Variants in SCARA3 observed in about 807,000 individuals in gnomAD.
SCARA3 encodes cellular stress response gene protein.
Under a neutral mutation model 47.0 loss-of-function variants are expected in SCARA3, and 39 were observed. That is an observed-to-expected ratio of 0.83 (90% CI 0.64 to 1.08). The LOEUF is 1.08. SCARA3 is among the 50% of genes least tolerant of loss of function. The pLI, the probability that SCARA3 is intolerant of heterozygous loss-of-function variation, is 0.00. For missense variants in SCARA3, 724 were observed against 792.3 expected (o/e 0.91, Z 1.04); for synonymous variants, 356 against 334.1 (o/e 1.07, Z -0.71).
intron 5 of SCARA3, among the ~76,000 whole-genome samples, chr8:27,667,586 G>A (rs1457399648): frequency 6.6e-6 from 1 of 152,182 alleles, no homozygotes; most frequent in Non-Finnish European, 1.5e-5. Context: ...TCTTGAGCAC[G>A]TGGCCACCCG....
the SCARA3 span, among the ~76,000 whole-genome samples, chr8:27,704,487 T>A: frequency 1.8e-4 from 27 of 152,184 alleles, no homozygotes; most frequent in Non-Finnish European, 3.4e-4. Flanking sequence ...TTTAATTTTT[T>A]AAAATAGTGA....
rs1801565210 is a variant in SCARA3, at chr8:27,648,767, A to G, written c.8-935A>G. ...GAAAGCAGGGAATCCTTAAGGACCC[A>G]ACAAAACGGCAAAGAAAGAGATAAA... On this transcript the variant is annotated intron_variant, in intron 1 of 5. Transcript: ENST00000301904. Among the ~76,000 whole-genome samples the G allele has an allele frequency of 2.6e-5, 4 of 151,814 alleles. No homozygotes were observed. The South Asian group carries it at 8.4e-4, about 32-fold the overall frequency.
At chr8:27,715,861 G>C in the SCARA3 span, among the ~76,000 whole-genome samples, 23 of 43,112 alleles carry the variant, frequency 5.3e-4, no homozygotes, top group African/African-American at 1.5e-3. This position sits in a 1 kb window ranked among gnomAD's most constrained non-coding sequence, Gnocchi z 4.2. Context: ...TAGATAGATA[G>C]ATACATAGAT....
At chr8:27,669,154 C>T (rs987839086) in intron 5 of SCARA3, among the ~76,000 whole-genome samples, 4 of 151,954 alleles carry the variant, frequency 2.6e-5, no homozygotes, top group Non-Finnish European at 4.4e-5. Context: ...AAGGAGGAGG[C>T]GAATGCCCAC....
chr8:27,689,789 G>C, the SCARA3 span, among the ~76,000 whole-genome samples: 1 of 152,086 alleles, frequency 6.6e-6, no homozygotes, highest in Non-Finnish European at 1.5e-5. Flanking sequence ...CTAAAGACCA[G>C]TGTGGGCCAG....
At chr8:27,683,442 A>T in the SCARA3 span, among the ~76,000 whole-genome samples, 2 of 152,160 alleles carry the variant, frequency 1.3e-5, no homozygotes, top group African/African-American at 4.8e-5. Flanking sequence ...TATAAACTAT[A>T]CATTATAGAA....
chr8:27,637,041 C>T (rs547987393), intron 1 of SCARA3, among the ~76,000 whole-genome samples: 3 of 152,358 alleles, frequency 2.0e-5, no homozygotes, highest in Admixed American at 6.5e-5. Context: ...AGGATCATGC[C>T]CTGCTCAAAA....
chr8:27,691,293 G>A, the SCARA3 span, among the ~76,000 whole-genome samples: 15 of 152,196 alleles, frequency 9.9e-5, no homozygotes, highest in South Asian at 2.1e-4. Flanking sequence ...AGGATCATGC[G>A]TCTGGACCCC....
intron 5 of SCARA3, among the ~76,000 whole-genome samples, chr8:27,668,078 A>G (rs1383149190): frequency 6.6e-6 from 1 of 152,162 alleles, no homozygotes; most frequent in African/African-American, 2.4e-5. Flanking sequence ...AATGAAGGGA[A>G]TGATATGACT....
At chr8:27,641,390 G>A (rs1801378766) in intron 1 of SCARA3, among the ~76,000 whole-genome samples, 1 of 152,220 alleles carries the variant, frequency 6.6e-6, no homozygotes, top group Non-Finnish European at 1.5e-5. Context: ...AAAAGGAGGG[G>A]GTGAGCTCAT....
At chr8:27,730,863 C>A in the SCARA3 span, among the ~76,000 whole-genome samples, 1 of 151,718 alleles carries the variant, frequency 6.6e-6, no homozygotes, top group South Asian at 2.1e-4. Context: ...ACCCTATTCC[C>A]GTTTATACCT....
the SCARA3 span, among the ~76,000 whole-genome samples, chr8:27,718,214 T>G: frequency 1.3e-5 from 2 of 152,350 alleles, no homozygotes; most frequent in Admixed American, 1.3e-4. Context: ...GCCAGAGAAT[T>G]GCCCCCTCCT....
chr8:27,706,759 G>T, the SCARA3 span, among the ~76,000 whole-genome samples: 2 of 152,134 alleles, frequency 1.3e-5, no homozygotes, highest in Admixed American at 1.3e-4. Flanking sequence ...AAGAAGAGGA[G>T]GCTTGGAGGT....
intron 5 of SCARA3, among the ~76,000 whole-genome samples, chr8:27,668,336 C>G (rs1253894058): frequency 6.6e-6 from 1 of 150,498 alleles, no homozygotes; most frequent in Non-Finnish European, 1.5e-5. Context: ...GTCAGGAGAT[C>G]GAGACCATCC....
rs1306666450 is a variant in SCARA3 at position 27,658,498 on chromosome 8, C to A, written c.328C>A (p.Pro110Thr). 1 of 1,597,776 alleles carries A rather than the reference C, an allele frequency of 6.3e-7. No individual in the cohort carries two copies. The highest frequency in any genetic ancestry group is 8.5e-7 in the Non-Finnish European group (1 of 1,173,138). The part of the protein sequence containing the change: ...LMQKNLQGLD[P>T]KALNNCSFCH... ...ACTGTTATCCCTTTCCCCTAAAGAT[C>A]CGAAAGCCCTGAACAACTGCTCTTT... Residue 110 changes from proline to threonine, a missense_variant and splice_region_variant, in exon 5 of 6, where the codon CCG (proline) becomes ACG (threonine). By Grantham distance (38) the Pro-to-Thr change is conservative. Transcript: ENST00000301904.
the SCARA3 span, among the ~76,000 whole-genome samples, chr8:27,695,672 C>G: frequency 1.6e-4 from 25 of 152,122 alleles, no homozygotes; most frequent in Non-Finnish European, 3.2e-4. Flanking sequence ...TAGGGAATCT[C>G]CGCAGAGAAT....
At chr8:27,686,774 C>G in the SCARA3 span, among the ~76,000 whole-genome samples, 1 of 152,122 alleles carries the variant, frequency 6.6e-6, no homozygotes, top group Non-Finnish European at 1.5e-5. Flanking sequence ...TAACAACACC[C>G]CTATTTTCTG....
Position 27,658,590 on chromosome 8 carries a change from G to T in SCARA3, c.420G>T (p.Gln140His). ...RKLQEELEGI[Q>H]KLLLAQEVQL... is the part of the protein sequence containing the mutation. The stretch of plus-strand genomic sequence containing the variant: ...TGCAGGAGGAGCTGGAGGGAATTCA[G>T]AAGCTGCTTCTGGCCCAGGAGGTGC... Residue 140 changes from glutamine to histidine, a missense_variant, in exon 5 of 6, where the codon CAG (glutamine) becomes CAT (histidine). Transcript: ENST00000301904. 1 of 1,614,182 alleles carries T rather than the reference G, an allele frequency of 6.2e-7. No individual in the cohort carries two copies. The highest frequency in any genetic ancestry group is 8.5e-7 in the Non-Finnish European group (1 of 1,180,024).
chr8:27,686,202 AG>A, the SCARA3 span, among the ~76,000 whole-genome samples: 12 of 152,306 alleles, frequency 7.9e-5, no homozygotes, highest in South Asian at 2.5e-3. Context: ...GTGCTTTGAG[AG>A]GCTGAGGTGG....
Sources: gnomAD v4.1 joint callset for allele counts (sites outside exome capture counted in the v4.1 genomes callset) on GRCh38, gnomAD v4.1.1 for gene constraint, Gnocchi (gnomAD v3.1) non-coding constraint, MANE v1.5 for transcripts, NCBI Gene and HGNC (gene_info 2026-07-23, HGNC 2026-07-21) for gene names.